The following CRB1 variants were observed in gnomAD, a reference collection of about 807,000 sequenced individuals.
CRB1 encodes crumbs cell polarity complex component 1.
A neutral mutation model predicts 120.0 loss-of-function variants in CRB1; 83 were observed. The ratio of observed to expected loss-of-function variants is 0.69; its 90% CI spans 0.58 to 0.83. CRB1 has a LOEUF of 0.83. Ranked by LOEUF, CRB1 falls within the 40% of genes least tolerant of loss-of-function variation. The pLI, the probability that CRB1 is intolerant of heterozygous loss-of-function variation, is 0.00. For synonymous variants in CRB1, 625 were observed against 612.5 expected, an observed-to-expected ratio of 1.02 and a Z score of -0.30; for missense variants, 1,699 against 1,687.6, an observed-to-expected ratio of 1.01 and a Z score of -0.12.
At chr1:197,214,163 G>C in the CRB1 span, among the ~76,000 whole-genome samples, 21 of 152,170 alleles carry the variant, frequency 1.4e-4, no homozygotes, top group African/African-American at 4.6e-4. Flanking sequence ...GCTAGACTAA[G>C]AAAACAATAG....
intron 11 of CRB1, among the ~76,000 whole-genome samples, chr1:197,451,898 A>T (rs886363754): frequency 9.9e-5 from 15 of 152,246 alleles, no homozygotes; most frequent in Non-Finnish European, 1.6e-4. Context: ...ATGCCACTGA[A>T]ACATTAGATT....
Position 197,448,018 on chromosome 1 carries a change from A to T in CRB1, c.4005+5726A>T, listed in dbSNP as rs77090782. Among the ~76,000 whole-genome samples, 1,080 of 152,312 alleles carry T rather than the reference A, an allele frequency of 7.1e-3. 15 individuals carry two copies. The highest frequency in any genetic ancestry group is 0.024 in the African/African-American group (1,017 of 41,566). On this transcript the variant is annotated intron_variant, in intron 11 of 11. Coordinates refer to ENST00000367400, the MANE Select transcript of CRB1 (RefSeq NM_201253.3). ...ATTTTTCAATTTTAAATTACTTTAA[A>T]AAATTCTGACTTTTTTAAATCTTAC...
intron 1 of CRB1, among the ~76,000 whole-genome samples, chr1:197,303,353 A>G (rs971941726): frequency 3.6e-5 from 5 of 137,726 alleles, no homozygotes; most frequent in East Asian, 2.2e-4. Flanking sequence ...TCATTGTTCA[A>G]TTCCCACCTA....
chr1:197,268,503 G>A (rs1558018835), intron 1 of CRB1, 21 bp downstream of exon 1: 3 of 1,557,250 alleles, frequency 1.9e-6, no homozygotes, highest in Non-Finnish European at 1.8e-6. Flanking sequence ...CCCACTTTGG[G>A]CATTTTTCCT....
chr1:197,368,417 A>G (rs1023760737), intron 5 of CRB1, among the ~76,000 whole-genome samples: 48 of 152,324 alleles, frequency 3.2e-4, no homozygotes, highest in African/African-American at 1.1e-3. Context: ...AAAACTATTC[A>G]TAGTGTGTAT....
chr1:197,246,340 G>A, the CRB1 span, among the ~76,000 whole-genome samples: 1 of 151,974 alleles, frequency 6.6e-6, no homozygotes, highest in Non-Finnish European at 1.5e-5. Context: ...TTTTGCTAAG[G>A]AGAGGAGGCT....
In CRB1 at chr1:197,421,710, C is replaced by T. The variant is rs1664335605; in HGVS notation, c.1882C>T (p.Leu628Phe). Reference protein sequence around the residue: ...VGMTSNGVALLNFYNMPSTPS... With the variant: ...VGMTSNGVALFNFYNMPSTPS... Reference sequence around the variant, plus strand: ...AATGACCAGCAATGGTGTTGCTCTGCTTAACTTCTATAATATGCCATCCAC... The same window carrying T: ...AATGACCAGCAATGGTGTTGCTCTGTTTAACTTCTATAATATGCCATCCAC... Residue 628 changes from leucine (L) to phenylalanine (F), a missense_variant, in exon 6 of 12, where the codon CTT becomes TTT. By Grantham distance (22) the Leu-to-Phe change is conservative. Coordinates refer to ENST00000367400, the MANE Select transcript of CRB1 (RefSeq NM_201253.3). The T allele has an allele frequency of 6.2e-7, 1 of 1,614,032 alleles. No individual in the cohort carries two copies. The highest frequency in any genetic ancestry group is 1.7e-5 in the Admixed American group (1 of 60,000).
chr1:197,415,864 G>A (rs1190159994), intron 5 of CRB1, among the ~76,000 whole-genome samples: 2 of 151,840 alleles, frequency 1.3e-5, no homozygotes, highest in Non-Finnish European at 2.9e-5. Context: ...GGATGGTCTC[G>A]ATCTCCTGAT....
chr1:197,255,140 G>T, the CRB1 span, among the ~76,000 whole-genome samples: 1 of 151,970 alleles, frequency 6.6e-6, no homozygotes, highest in African/African-American at 2.4e-5. Flanking sequence ...TCCTTTTGGG[G>T]AGTTATACTT....
chr1:197,255,428 C>G, the CRB1 span, among the ~76,000 whole-genome samples: 1 of 151,874 alleles, frequency 6.6e-6, no homozygotes, highest in Non-Finnish European at 1.5e-5. Context: ...TCTTTATTTT[C>G]TTAAGGTAAT....
intron 1 of CRB1, among the ~76,000 whole-genome samples, chr1:197,296,889 A>G (rs1396016418): frequency 6.6e-6 from 1 of 151,952 alleles, no homozygotes; most frequent in African/African-American, 2.4e-5. Flanking sequence ...TTCTGCCATG[A>G]TTGTGAGGCC....
chr1:197,437,572 T>C (rs566950233), intron 9 of CRB1, among the ~76,000 whole-genome samples: 1 of 152,246 alleles, frequency 6.6e-6, no homozygotes, highest in African/African-American at 2.4e-5. Flanking sequence ...ATACAAAGCT[T>C]CATATTTGCA....
chr1:197,244,807 A>T, the CRB1 span, among the ~76,000 whole-genome samples: 21 of 151,962 alleles, frequency 1.4e-4, no homozygotes, highest in Admixed American at 9.8e-4. Context: ...TCACACAAAC[A>T]GTAGATTTTT....
At position 197,337,182 on chromosome 1, in the gene CRB1, C is replaced by T. The variant is rs184830649; in HGVS notation, c.653-7099C>T. Reference sequence around the variant, plus strand: ...AAGAGGTCCAAGAGAGATCCCTCACCCCTTCTACCATGTGAGGACATAGAA... The same window carrying T: ...AAGAGGTCCAAGAGAGATCCCTCACTCCTTCTACCATGTGAGGACATAGAA... On this transcript the variant is annotated intron_variant, in intron 2 of 11. Coordinates refer to ENST00000367400, the MANE Select transcript of CRB1 (RefSeq NM_201253.3). Among the ~76,000 whole-genome samples the T allele has an allele frequency of 1.9e-3, 291 of 152,232 alleles. 1 individual carries two copies. The highest frequency in any genetic ancestry group is 6.8e-3 in the African/African-American group (282 of 41,536).
At position 197,434,876 on chromosome 1, in the gene CRB1, G is replaced by A; in HGVS notation, c.3013G>A (p.Asp1005Asn). Reference protein sequence around the residue: ...EPEFLNISIQDSRLFFQLQSG... With the variant: ...EPEFLNISIQNSRLFFQLQSG... ...TGAATTTCTTAATATTAGCATTCAA[G>A]ATTCCAGATTATTCTTTCAATTGCA... The change falls in exon 9 of 12, where the codon GAT becomes AAT. Residue 1005 changes from aspartate to asparagine, a missense_variant. By Grantham distance (23) the Asp-to-Asn change is conservative. Coordinates refer to ENST00000367400, the MANE Select transcript of CRB1 (RefSeq NM_201253.3). 2 of 1,613,794 alleles carry A rather than the reference G, an allele frequency of 1.2e-6. No individual in the cohort carries two copies. The highest frequency in any genetic ancestry group is 8.5e-7 in the Non-Finnish European group (1 of 1,179,828).
At chr1:197,391,458 AC>A (rs1279637149) in intron 5 of CRB1, among the ~76,000 whole-genome samples, 1 of 152,066 alleles carries the variant, frequency 6.6e-6, no homozygotes, top group African/African-American at 2.4e-5. Context: ...AAAAAAGCAA[AC>A]CAAGTTTCTG....
At chr1:197,331,068 G>T (rs1416124568) in intron 2 of CRB1, among the ~76,000 whole-genome samples, 1 of 151,924 alleles carries the variant, frequency 6.6e-6, no homozygotes, top group Non-Finnish European at 1.5e-5. Flanking sequence ...TGTAGTCGCA[G>T]CTACTCATGA....
chr1:197,414,140 A>T, intron 5 of CRB1: 1 of 275,226 alleles, frequency 3.6e-6, no homozygotes, highest in Non-Finnish European at 7.4e-6. Context: ...GGAAAAGTGG[A>T]TATATTTATG....
At chr1:197,381,250 G>A (rs1166404211) in intron 5 of CRB1, among the ~76,000 whole-genome samples, 4 of 152,056 alleles carry the variant, frequency 2.6e-5, no homozygotes, top group Non-Finnish European at 5.9e-5. Context: ...TGCATTGGGA[G>A]AATAAGAGAA....
Sources: gnomAD v4.1 joint callset for allele counts (sites outside exome capture counted in the v4.1 genomes callset) on GRCh38, gnomAD v4.1.1 for gene constraint, MANE v1.5 for transcripts, NCBI Gene and HGNC (gene_info 2026-07-23, HGNC 2026-07-21) for gene names.